Variants in CNBD1 observed in about 807,000 individuals in gnomAD.
The protein encoded by CNBD1 is cyclic nucleotide binding domain containing 1.
A neutral mutation model predicts 54.4 loss-of-function variants in CNBD1; 71 were observed. The ratio of observed to expected loss-of-function variants is 1.30; its 90% CI spans 1.08 to 1.59. The LOEUF (loss-of-function observed/expected upper bound fraction) is 1.59, where lower values mean the gene tolerates loss of function less well. Among genes scored for constraint, CNBD1 ranks in the 40% most tolerant of loss-of-function variants. CNBD1 has a pLI of 0.00. For missense variants in CNBD1, 659 were observed against 518.0 expected, an observed-to-expected ratio of 1.27 and a Z score of -2.64; for synonymous variants, 182 against 170.7, an observed-to-expected ratio of 1.07 and a Z score of -0.51.
intron 8 of CNBD1, among the ~76,000 whole-genome samples, chr8:87,322,681 T>C (rs1269332538): frequency 1.3e-5 from 1 of 74,660 alleles, no homozygotes; most frequent in Non-Finnish European, 2.8e-5. Flanking sequence ...TTTGTTTGAG[T>C]TCATTGTAGA....
chr8:86,866,766 A>G (rs1192993590), intron 1 of CNBD1, among the ~76,000 whole-genome samples, 183 bp downstream of exon 1: 1 of 152,222 alleles, frequency 6.6e-6, no homozygotes, highest in Non-Finnish European at 1.5e-5. Context: ...AAGTCATTTC[A>G]GTACTCTAGG....
At chr8:87,094,432 T>A (rs1000851066) in intron 4 of CNBD1, among the ~76,000 whole-genome samples, 8 of 151,184 alleles carry the variant, frequency 5.3e-5, no homozygotes, top group Non-Finnish European at 1.2e-4. Context: ...CCTTGATTTT[T>A]TTTCTTTAAT....
chr8:87,308,597 AT>A (rs1809203432), intron 8 of CNBD1, among the ~76,000 whole-genome samples: 1 of 152,202 alleles, frequency 6.6e-6, no homozygotes, highest in Non-Finnish European at 1.5e-5. Flanking sequence ...TGTTAGAAAC[AT>A]TTCAAATCTT....
intron 4 of CNBD1, among the ~76,000 whole-genome samples, chr8:87,042,160 G>T (rs1025973807): frequency 6.6e-6 from 1 of 152,204 alleles, no homozygotes; most frequent in Non-Finnish European, 1.5e-5. Context: ...AGGAAGATGG[G>T]TTGGCCAAAG....
intron 4 of CNBD1, among the ~76,000 whole-genome samples, chr8:87,050,847 G>T (rs962480978): frequency 6.6e-6 from 1 of 152,278 alleles, no homozygotes; most frequent in Middle Eastern, 3.4e-3. Flanking sequence ...GAGGCCTTGT[G>T]CTTTTAAGTT....
chr8:87,013,098 C>T (rs987979764), intron 4 of CNBD1, among the ~76,000 whole-genome samples: 1 of 152,232 alleles, frequency 6.6e-6, no homozygotes, highest in African/African-American at 2.4e-5. Flanking sequence ...AAGGAGTTGA[C>T]TGAAAGTGGA....
intron 3 of CNBD1, among the ~76,000 whole-genome samples, chr8:86,937,603 G>A (rs145760088): frequency 6.6e-6 from 1 of 152,274 alleles, no homozygotes; most frequent in African/African-American, 2.4e-5. Context: ...TCAACACCAT[G>A]TGTAAACTTG....
intron 8 of CNBD1, among the ~76,000 whole-genome samples, chr8:87,293,938 G>A (rs1808829499): frequency 6.6e-6 from 1 of 152,144 alleles, no homozygotes; most frequent in Non-Finnish European, 1.5e-5. Context: ...ATGAACATTG[G>A]GAGATCAGTC....
intron 4 of CNBD1, among the ~76,000 whole-genome samples, chr8:87,131,078 A>C (rs1812108901): frequency 6.6e-6 from 1 of 151,884 alleles, no homozygotes; most frequent in African/African-American, 2.4e-5. Flanking sequence ...TGCATTTTAA[A>C]ATTTAAACTG....
intron 2 of CNBD1, among the ~76,000 whole-genome samples, chr8:87,405,256 C>T (rs539872854): frequency 2.1e-4 from 32 of 151,934 alleles, no homozygotes; most frequent in African/African-American, 7.5e-4. Context: ...TTTCTTAAGG[C>T]CAGTACTTAA....
chr8:87,048,081 T>A (rs1810236182), intron 4 of CNBD1, among the ~76,000 whole-genome samples: 1 of 152,170 alleles, frequency 6.6e-6, no homozygotes, highest in East Asian at 1.9e-4. Context: ...ACCTGCAACC[T>A]TAACCTTTGA....
In CNBD1 at chr8:87,331,398, C is replaced by A. The variant is rs1191718310; in HGVS notation, c.1043-20287C>A. 2.0e-5 allele frequency among the ~76,000 whole-genome samples: 3 copies of A among 152,162 alleles called. No homozygotes were observed. The East Asian group carries it at 5.8e-4, about 29-fold the overall frequency. ...CCCTGCAAAGGACATGATCTCATTCCTTTCTGTAGCTGCATAGTATTCCAT... is the reference window on the plus strand; with the variant it reads ...CCCTGCAAAGGACATGATCTCATTCATTTCTGTAGCTGCATAGTATTCCAT... On this transcript the variant is annotated intron_variant, in intron 8 of 10. Transcript: ENST00000518476.
chr8:87,324,755 T>C (rs937375137), intron 8 of CNBD1, among the ~76,000 whole-genome samples: 2 of 148,988 alleles, frequency 1.3e-5, no homozygotes, highest in African/African-American at 5.0e-5. Context: ...AAAAACCAGC[T>C]CCTGGATTCA....
At chr8:87,245,860 A>G (rs1807792705) in intron 6 of CNBD1, among the ~76,000 whole-genome samples, 2 of 151,754 alleles carry the variant, frequency 1.3e-5, no homozygotes, top group South Asian at 4.2e-4. Context: ...ATTATTATGG[A>G]TATATTGTTT....
chr8:87,425,540 C>T (rs539365750), intron 2 of CNBD1, among the ~76,000 whole-genome samples: 1 of 152,060 alleles, frequency 6.6e-6, no homozygotes. Flanking sequence ...TTCTAACACA[C>T]AGGACCCTCA....
intron 4 of CNBD1, among the ~76,000 whole-genome samples, chr8:87,177,521 CA>C (rs2130774425): frequency 6.6e-6 from 1 of 152,238 alleles, no homozygotes; most frequent in Non-Finnish European, 1.5e-5. Flanking sequence ...CATTACTGAA[CA>C]AATCGAGCAT....
chr8:86,940,408 C>G (rs1346376247), intron 4 of CNBD1, among the ~76,000 whole-genome samples: 2 of 152,124 alleles, frequency 1.3e-5, no homozygotes, highest in African/African-American at 2.4e-5. Context: ...CTCAGGTGAT[C>G]TGCCTGCCTC....
Position 87,321,772 on chromosome 8 carries a change from A to G in CNBD1, c.1043-29913A>G, listed in dbSNP as rs186119164. On this transcript the variant is annotated intron_variant, in intron 8 of 10. Transcript: ENST00000518476. ...TATCCAAGAAATCATTGCCAAGACCAATGTCATCAGGCTTTTTTCTTTTTC... is the reference window on the plus strand; with the variant it reads ...TATCCAAGAAATCATTGCCAAGACCGATGTCATCAGGCTTTTTTCTTTTTC... Among the ~76,000 whole-genome samples the G allele has an allele frequency of 9.3e-5, 14 of 150,046 alleles. No homozygotes were observed. In the Admixed American group the frequency reaches 9.3e-4, roughly 10 times the overall value.
At position 87,278,791 on chromosome 8, in the gene CNBD1, A is replaced by G. The variant is rs1001488598; in HGVS notation, c.772-5887A>G. ...GTATTAGCTGACTGTATAAATCAAT[A>G]TTATTCCTTGTGAAGTTCCTACATG... On this transcript the variant is annotated intron_variant, in intron 6 of 10. Transcript: ENST00000518476. 4.0e-5 allele frequency among the ~76,000 whole-genome samples: 6 copies of G among 151,504 alleles called. No homozygotes were observed. In the South Asian group the frequency reaches 1.0e-3, roughly 26 times the overall value.
Sources: allele counts gnomAD v4.1 joint callset (sites outside exome capture counted in the v4.1 genomes callset), GRCh38; gene constraint gnomAD v4.1.1; transcripts MANE v1.5; gene names NCBI Gene and HGNC (gene_info 2026-07-23, HGNC 2026-07-21).